The following RTTN variants were observed in gnomAD, a reference collection of about 807,000 sequenced individuals.
RTTN encodes rotatin.
A neutral mutation model predicts 269.2 loss-of-function variants in RTTN; 182 were observed. The ratio of observed to expected loss-of-function variants is 0.68; its 90% CI spans 0.60 to 0.76. RTTN has a LOEUF of 0.76. RTTN is among the 30% of genes least tolerant of loss of function. RTTN has a pLI of 0.00. For missense variants in RTTN, 2,545 were observed against 2,608.6 expected (o/e 0.98, Z 0.53); for synonymous variants, 1,006 against 963.5 (o/e 1.04, Z -0.82).
At chr18:70,113,750 A>G (rs979595656) in intron 27 of RTTN, among the ~76,000 whole-genome samples, 6 of 152,186 alleles carry the variant, frequency 3.9e-5, no homozygotes, top group Non-Finnish European at 7.4e-5. Flanking sequence ...GTATGCAAGG[A>G]GCTTGGAAAC....
chr18:70,081,036 G>C (rs895693448), intron 32 of RTTN, among the ~76,000 whole-genome samples: 14 of 152,136 alleles, frequency 9.2e-5, no homozygotes, highest in Admixed American at 1.3e-4. Context: ...ATCTGGATGA[G>C]ATTGGAGACT....
At chr18:70,028,023 T>A (rs940159165) in intron 43 of RTTN, among the ~76,000 whole-genome samples, 1 of 152,174 alleles carries the variant, frequency 6.6e-6, no homozygotes, top group East Asian at 1.9e-4. Context: ...TAGTATTTTT[T>A]AAAATTTTTA....
In RTTN at chr18:70,199,519, G is replaced by A. The variant is rs182610959; in HGVS notation, c.488-15C>T. On this transcript the variant is annotated splice_polypyrimidine_tract_variant and intron_variant, in intron 4 of 48. Coordinates refer to ENST00000640769, the MANE Select transcript of RTTN (RefSeq NM_173630.4). ...AGTCTGATTTACTGTCAGTGAAAGAGCAAATCTTATGGTATCAAAGAATAA... is the reference window on the plus strand; with the variant it reads ...AGTCTGATTTACTGTCAGTGAAAGAACAAATCTTATGGTATCAAAGAATAA... The A allele has an allele frequency of 2.4e-4, 366 of 1,541,002 alleles. 2 individuals carry two copies. In the East Asian group the frequency reaches 5.8e-3, roughly 24 times the overall value.
chr18:70,142,422 A>G (rs1238580997), intron 18 of RTTN, 35 bp from the exon 19 acceptor site: 2 of 1,127,442 alleles, frequency 1.8e-6, no homozygotes, highest in Non-Finnish European at 2.6e-6. Context: ...CCAAAATTAC[A>G]TTTATCTGCT....
chr18:70,034,256 A>C (rs894941260), intron 40 of RTTN, among the ~76,000 whole-genome samples: 5 of 152,176 alleles, frequency 3.3e-5, no homozygotes, highest in Admixed American at 6.5e-5. Flanking sequence ...ACAACAACAA[A>C]AAAAAGGGTC....
intron 34 of RTTN, among the ~76,000 whole-genome samples, chr18:70,066,580 GA>G (rs1358900462): frequency 1.3e-5 from 2 of 152,146 alleles, no homozygotes; most frequent in African/African-American, 2.4e-5. Flanking sequence ...CCTCTTAGTT[GA>G]AAAACACTTA....
intron 14 of RTTN, among the ~76,000 whole-genome samples, chr18:70,153,527 T>G (rs1180620524): frequency 6.6e-6 from 1 of 152,156 alleles, no homozygotes; most frequent in Non-Finnish European, 1.5e-5. Flanking sequence ...TCCCTAAATT[T>G]AAAAGCTATT....
intron 40 of RTTN, among the ~76,000 whole-genome samples, chr18:70,033,463 C>T (rs1019538247): frequency 6.6e-6 from 1 of 152,204 alleles, no homozygotes; most frequent in African/African-American, 2.4e-5. Flanking sequence ...AAGCATCCTG[C>T]TCCTGAATAA....
intron 27 of RTTN, among the ~76,000 whole-genome samples, chr18:70,111,383 G>C (rs1217406516): frequency 1.3e-5 from 2 of 152,160 alleles, no homozygotes; most frequent in Admixed American, 6.5e-5. Context: ...AATCTTTGCT[G>C]TTCTGCAGCC....
intron 14 of RTTN, among the ~76,000 whole-genome samples, chr18:70,157,132 C>T (rs1199074923): frequency 6.8e-6 from 1 of 146,972 alleles, no homozygotes; most frequent in Non-Finnish European, 1.5e-5. Context: ...TGCGCACTTG[C>T]CCATGGTTAC....
intron 23 of RTTN, among the ~76,000 whole-genome samples, chr18:70,133,406 A>G (rs2060045572): frequency 1.3e-5 from 2 of 152,174 alleles, no homozygotes; most frequent in African/African-American, 2.4e-5. Flanking sequence ...TAAATATCCT[A>G]TATTCCAACA....
At chr18:70,073,386 T>C (rs987456772) in intron 34 of RTTN, among the ~76,000 whole-genome samples, 3 of 152,134 alleles carry the variant, frequency 2.0e-5, no homozygotes, top group Admixed American at 6.6e-5. Flanking sequence ...TGCAAGTATT[T>C]AGAAGTGTGT....
intron 46 of RTTN, chr18:70,008,989 A>G (rs2056285870): frequency 1.3e-5 from 2 of 152,240 alleles, no homozygotes; most frequent in South Asian, 4.1e-4. Flanking sequence ...AAATGAAGGA[A>G]AAAATGTTAA....
intron 11 of RTTN, 47 bp downstream of exon 11, chr18:70,176,628 T>G: frequency 1.3e-6 from 2 of 1,523,784 alleles, no homozygotes; most frequent in Non-Finnish European, 1.8e-6. Context: ...AGAGCATTTA[T>G]TTATAATAGT....
At chr18:70,070,466 C>T (rs2058265942) in intron 34 of RTTN, among the ~76,000 whole-genome samples, 1 of 152,168 alleles carries the variant, frequency 6.6e-6, no homozygotes, top group Admixed American at 6.5e-5. Flanking sequence ...TTTTAGAAAG[C>T]CTCTTGGATC....
chr18:70,149,729 C>T (rs1413853335), intron 16 of RTTN, among the ~76,000 whole-genome samples: 2 of 151,884 alleles, frequency 1.3e-5, no homozygotes, highest in East Asian at 3.9e-4. Context: ...GCTGTGAATG[C>T]ACCTCACTTT....
chr18:70,037,442 A>T (rs1482238873), intron 40 of RTTN, among the ~76,000 whole-genome samples: 3 of 152,166 alleles, frequency 2.0e-5, no homozygotes, highest in Non-Finnish European at 4.4e-5. Context: ...ACAATAGAAC[A>T]GGGCACTGGG....
chr18:70,168,855 C>G lies in RTTN; in HGVS notation c.1689G>C (p.Glu563Asp). ...TCNFLSDIGK[E>D]GEKNLLELVE... ...AAGAGATATTAAAAAAGCTTTTTAC[C>G]TCTTTCCCAATATCAGACAGGAAGT... The change falls in exon 12 of 49, where the codon GAG (glutamate) becomes GAC (aspartate). Residue 563 changes from glutamate (E) to aspartate (D), a missense_variant and splice_region_variant. Physicochemically the swap from Glu to Asp is conservative, Grantham distance 45 (BLOSUM62 2). Transcript: ENST00000640769. The G allele has an allele frequency of 6.3e-7, 1 of 1,596,298 alleles. No individual in the cohort carries two copies. Among genetic ancestry groups the G allele is most frequent in the Non-Finnish European group, 8.5e-7 (1 of 1,173,044 alleles).
chr18:70,029,999 C>A lies in RTTN; in HGVS notation c.5745+13G>T, dbSNP rs144392822. The A allele has an allele frequency of 8.7e-3, 13,890 of 1,592,006 alleles. 82 individuals are homozygous for A. The highest frequency in any genetic ancestry group is 0.01 in the Non-Finnish European group (12,061 of 1,160,972). On this transcript the variant is annotated intron_variant, in intron 42 of 48. Transcript: ENST00000640769. ...TCTCTATATATAGCCATTCATTTATCCCAGAATGTTACCTTTTTTTTCAAT... is the reference window on the plus strand; with the variant it reads ...TCTCTATATATAGCCATTCATTTATACCAGAATGTTACCTTTTTTTTCAAT...
Sources: allele counts gnomAD v4.1 joint callset (sites outside exome capture counted in the v4.1 genomes callset), GRCh38; gene constraint gnomAD v4.1.1; transcripts MANE v1.5; gene names NCBI Gene and HGNC (gene_info 2026-07-23, HGNC 2026-07-21).